Variants in CTTNBP2NL observed in about 807,000 individuals in gnomAD.
The protein encoded by CTTNBP2NL is CTTNBP2 N-terminal-like protein.
In CTTNBP2NL, 16 loss-of-function variants were observed where a neutral mutation model predicts 32.5. The observed-to-expected ratio is 0.49, with a 90% CI of 0.33 to 0.75. CTTNBP2NL has a LOEUF of 0.75. Among genes scored for constraint, CTTNBP2NL ranks in the 30% least tolerant of loss-of-function variants. The pLI, the probability that CTTNBP2NL is intolerant of heterozygous loss-of-function variation, is 0.02. For synonymous variants in CTTNBP2NL, 298 were observed against 289.4 expected, an observed-to-expected ratio of 1.03 and a Z score of -0.30; for missense variants, 645 against 756.0, an observed-to-expected ratio of 0.85 and a Z score of 1.72.
intron 3 of CTTNBP2NL, among the ~76,000 whole-genome samples, chr1:112,422,519 G>C (rs1010903655): frequency 2.0e-5 from 3 of 152,140 alleles, no homozygotes; most frequent in Non-Finnish European, 4.4e-5. Flanking sequence ...AAATTGAATG[G>C]CTATATCATA....
At chr1:112,430,168 TTTC>T (rs1358760599) in intron 3 of CTTNBP2NL, among the ~76,000 whole-genome samples, 1 of 25,418 alleles carries the variant, frequency 3.9e-5, no homozygotes, top group Non-Finnish European at 9.3e-5. Flanking sequence ...AGCTCTTTTC[TTTC>T]TTTTCTTTTC....
chr1:112,407,840 C>CTTTTTTTTTTTTTTTTTTTTT (rs869134559), intron 1 of CTTNBP2NL, among the ~76,000 whole-genome samples: 5 of 96,070 alleles, frequency 5.2e-5, no homozygotes, highest in Admixed American at 1.4e-4. Context: ...TTTTTTCTTT[C>CTTTTTTTTTTTTTTTTTTTTT]TTTTTTTTTT....
intron 3 of CTTNBP2NL, among the ~76,000 whole-genome samples, chr1:112,447,272 T>TAAAA (rs35522134): frequency 7.2e-5 from 5 of 69,684 alleles, no homozygotes; most frequent in East Asian, 3.9e-4. Context: ...AGACTCCATC[T>TAAAA]AAAAAAAAAA....
At position 112,423,268 on chromosome 1, in the gene CTTNBP2NL, T is replaced by C. The variant is rs148760864; in HGVS notation, c.99+7004T>C. Among the ~76,000 whole-genome samples, 527 of 152,280 alleles carry C rather than the reference T, an allele frequency of 3.5e-3. 3 individuals carry two copies. Among genetic ancestry groups the C allele is most frequent in the African/African-American group, 0.012 (490 of 41,556 alleles). On this transcript the variant is annotated intron_variant, in intron 3 of 5. Coordinates refer to ENST00000271277, the MANE Select transcript of CTTNBP2NL (RefSeq NM_018704.3). Reference sequence around the variant, plus strand: ...CCAGTCTGTGACTTATTTCATTATCTTAACTCTATTTTTTTTACAGTTAAG... The same window carrying C: ...CCAGTCTGTGACTTATTTCATTATCCTAACTCTATTTTTTTTACAGTTAAG...
Position 112,460,559 on chromosome 1 carries a change from G to T in CTTNBP2NL, c.*3147G>T, listed in dbSNP as rs994322543. 4 of 152,150 alleles carry T rather than the reference G, an allele frequency of 2.6e-5. No individual in the cohort carries two copies. The highest frequency in any genetic ancestry group is 5.9e-5 in the Non-Finnish European group (4 of 68,014). The allele number at this position is 152,150 out of a possible 1,614,324, so 9.4% of individuals were successfully genotyped here. ...ATATGCCTATATGCAAAATTTGTTT[G>T]ATGGCTTCATAGGATCCAAAGACCC... On this transcript the variant is annotated 3_prime_UTR_variant, in exon 6 of 6. Transcript: ENST00000271277.
At chr1:112,418,852 A>G (rs1649142295) in intron 3 of CTTNBP2NL, among the ~76,000 whole-genome samples, 1 of 152,212 alleles carries the variant, frequency 6.6e-6, no homozygotes, top group Admixed American at 6.5e-5. Flanking sequence ...AATAGATTTG[A>G]CTGCTAATAA....
chr1:112,453,109 T>A (rs1014090430), intron 4 of CTTNBP2NL, among the ~76,000 whole-genome samples: 1 of 148,430 alleles, frequency 6.7e-6, no homozygotes, highest in Non-Finnish European at 1.5e-5. Context: ...TAAGACCCTG[T>A]CTCCTCAAAA....
In CTTNBP2NL at chr1:112,449,097, T is replaced by A. The variant is rs1212166998; in HGVS notation, c.255T>A (p.Val85=). The A allele has an allele frequency of 6.2e-7, 1 of 1,613,976 alleles. No homozygotes were observed. The highest frequency in any genetic ancestry group is 1.7e-5 in the Admixed American group (1 of 60,024). Residue 85 remains valine (V), a synonymous_variant, in exon 4 of 6, where the codon GTT becomes GTA. Coordinates refer to ENST00000271277, the MANE Select transcript of CTTNBP2NL (RefSeq NM_018704.3). The part of the protein sequence containing the change: ...VCTNPLSILK[V]VMKQCKNMQE... ...CAAATCCACTCTCTATTCTTAAGGT[T>A]GTGATGAAGCAGTGCAAGAACATGC...
intron 1 of CTTNBP2NL, among the ~76,000 whole-genome samples, chr1:112,411,091 G>A (rs1648850187): frequency 6.6e-6 from 1 of 152,156 alleles, no homozygotes; most frequent in Admixed American, 6.5e-5. Flanking sequence ...GCAGTGGTTT[G>A]TGTATATGTT....
intron 4 of CTTNBP2NL, among the ~76,000 whole-genome samples, chr1:112,450,654 G>A (rs1003044180): frequency 9.2e-5 from 14 of 152,264 alleles, no homozygotes; most frequent in South Asian, 2.1e-4. Context: ...TGTGTTTCTA[G>A]GTGATTGGAG....
chr1:112,419,811 C>G (rs191557428), intron 3 of CTTNBP2NL, among the ~76,000 whole-genome samples: 1 of 152,258 alleles, frequency 6.6e-6, no homozygotes, highest in East Asian at 1.9e-4. Context: ...TTGAAACATT[C>G]TCTGGCACCC....
chr1:112,396,900 T>C lies in CTTNBP2NL; in HGVS notation c.-134+628T>C, dbSNP rs114044594. 2.7e-3 allele frequency among the ~76,000 whole-genome samples: 410 copies of C among 152,274 alleles called. 3 individuals are homozygous for C. Among genetic ancestry groups the C allele is most frequent in the African/African-American group, 9.3e-3 (386 of 41,562 alleles). On this transcript the variant is annotated intron_variant, in intron 1 of 5. Coordinates refer to ENST00000271277, the MANE Select transcript of CTTNBP2NL (RefSeq NM_018704.3). ...GTGAGGAGTCGAGAGCTCTCCTGTT[T>C]TGGGACTGTTTTGGACTGTGAAAGA...
At chr1:112,398,613 A>C (rs963758487) in intron 1 of CTTNBP2NL, among the ~76,000 whole-genome samples, 10 of 152,082 alleles carry the variant, frequency 6.6e-5, no homozygotes, top group Admixed American at 2.0e-4. Flanking sequence ...ATGAAATTCC[A>C]GTGTCTTAAG....
chr1:112,446,969 T>A (rs1415482310), intron 3 of CTTNBP2NL, among the ~76,000 whole-genome samples: 1 of 152,102 alleles, frequency 6.6e-6, no homozygotes, highest in Non-Finnish European at 1.5e-5. Context: ...CTTTTTAACT[T>A]GGAGCTGAAA....
Position 112,456,667 on chromosome 1 carries a change from G to T in CTTNBP2NL, c.1175G>T (p.Cys392Phe), listed in dbSNP as rs1650374693. The T allele has an allele frequency of 6.2e-7, 1 of 1,614,040 alleles. No homozygotes were observed. The highest frequency in any genetic ancestry group is 8.5e-7 in the Non-Finnish European group (1 of 1,180,052). ...AQEKPVENGGCPVGIETPVPM... is the reference protein window; with the variant it reads ...AQEKPVENGGFPVGIETPVPM... Reference sequence around the variant, plus strand: ...GAGAAACCAGTGGAGAATGGTGGGTGTCCTGTGGGGATTGAGACTCCAGTC... The same window carrying T: ...GAGAAACCAGTGGAGAATGGTGGGTTTCCTGTGGGGATTGAGACTCCAGTC... The change falls in exon 6 of 6, where the codon TGT (cysteine) becomes TTT (phenylalanine). Residue 392 changes from cysteine (C) to phenylalanine (F), a missense_variant. Cys to Phe is a radical substitution (Grantham distance 205, BLOSUM62 -2). Transcript: ENST00000271277.
At chr1:112,432,505 C>G (rs1411874093) in intron 3 of CTTNBP2NL, among the ~76,000 whole-genome samples, 1 of 152,066 alleles carries the variant, frequency 6.6e-6, no homozygotes, top group East Asian at 1.9e-4. Context: ...ATTATTAAGT[C>G]TCTCTTCTTA....
At chr1:112,401,752 A>G (rs1648509219) in intron 1 of CTTNBP2NL, among the ~76,000 whole-genome samples, 1 of 152,174 alleles carries the variant, frequency 6.6e-6, no homozygotes, top group African/African-American at 2.4e-5. Context: ...AGAGGCATTG[A>G]ACTAGATAAT....
In CTTNBP2NL at chr1:112,457,286, A is replaced by T. The variant is rs890423858; in HGVS notation, c.1794A>T (p.Pro598=). ...GLTPSPSATT[P]LTKTHSQAAS... is the part of the protein sequence containing the mutation. ...CCCCTTCTCCATCTGCTACCACTCCATTGACCAAAACTCATTCCCAGGCAG... is the reference window on the plus strand; with the variant it reads ...CCCCTTCTCCATCTGCTACCACTCCTTTGACCAAAACTCATTCCCAGGCAG... The change falls in exon 6 of 6, where the codon CCA becomes CCT. Residue 598 remains proline, a synonymous_variant. Transcript: ENST00000271277. The T allele has an allele frequency of 1.9e-6, 3 of 1,614,100 alleles. No homozygotes were observed. The highest frequency in any genetic ancestry group is 2.5e-6 in the Non-Finnish European group (3 of 1,180,014).
intron 3 of CTTNBP2NL, among the ~76,000 whole-genome samples, chr1:112,420,127 T>C (rs1286950718): frequency 6.6e-6 from 1 of 151,686 alleles, no homozygotes; most frequent in Non-Finnish European, 1.5e-5. Flanking sequence ...CATTTTAATA[T>C]GTTTTTTAGA....
Sources: gnomAD v4.1 joint callset for allele counts (sites outside exome capture counted in the v4.1 genomes callset) on GRCh38, gnomAD v4.1.1 for gene constraint, MANE v1.5 for transcripts, NCBI Gene and HGNC (gene_info 2026-07-23, HGNC 2026-07-21) for gene names.